Variants in SETD1B observed in about 807,000 individuals in gnomAD.
SETD1B encodes histone-lysine N-methyltransferase SETD1B.
A neutral mutation model predicts 148.0 loss-of-function variants in SETD1B; 7 were observed. That is an observed-to-expected ratio of 0.05 (90% CI 0.03 to 0.09). The LOEUF (loss-of-function observed/expected upper bound fraction) is 0.09. SETD1B is among the 10% of genes least tolerant of loss of function. SETD1B has a pLI of 1.00. For missense variants in SETD1B, 2,155 were observed against 2,729.9 expected, an observed-to-expected ratio of 0.79 and a Z score of 4.69; for synonymous variants, 1,361 against 1,186.5, an observed-to-expected ratio of 1.15 and a Z score of -3.02.
At chr12:121,819,247 G>GA (rs548646338) in intron 10 of SETD1B, among the ~76,000 whole-genome samples, 157 bp from the exon 11 acceptor site, 1 of 151,714 alleles carries the variant, frequency 6.6e-6, no homozygotes, top group African/African-American at 2.4e-5. Context: ...TCAAAAAAAA[G>GA]AAAAAAAAGA....
chr12:121,790,417 G>A, the SETD1B span, among the ~76,000 whole-genome samples: 8 of 152,222 alleles, frequency 5.3e-5, no homozygotes, highest in Non-Finnish European at 7.4e-5. Flanking sequence ...CTACGTGGCC[G>A]CCTGGCCATG....
In SETD1B at chr12:121,805,058, G is replaced by A; in HGVS notation, c.175-60G>A. 1 of 1,515,974 alleles carries A rather than the reference G, an allele frequency of 6.6e-7. No individual in the cohort carries two copies. The highest frequency in any genetic ancestry group is 9.0e-7 in the Non-Finnish European group (1 of 1,116,698). The allele number at this position is 1,515,974 out of a possible 1,614,324, so 93.9% of individuals were successfully genotyped here. A position where few individuals can be genotyped will look rare whatever the true frequency, so the allele number is the denominator to read the frequency against. On this transcript the variant is annotated intron_variant, in intron 2 of 16. Transcript: ENST00000604567. The surrounding 1 kb of genome is among the most constrained non-coding windows in gnomAD (Gnocchi z 4.2). ...GTTTGACAAGTGCCTCGAGAAAGGGGTCTGCCCATGGGGAGGGGGACCAGT... is the reference window on the plus strand; with the variant it reads ...GTTTGACAAGTGCCTCGAGAAAGGGATCTGCCCATGGGGAGGGGGACCAGT...
chr12:121,793,638 C>G, the SETD1B span: 1 of 1,533,786 alleles, frequency 6.5e-7, no homozygotes, highest in South Asian at 1.2e-5. Flanking sequence ...ATCCATTGCC[C>G]GGAGCCCGCA....
In SETD1B at chr12:121,809,904, C is replaced by G; in HGVS notation, c.959C>G (p.Ala320Gly). The G allele has an allele frequency of 6.4e-7, 1 of 1,550,882 alleles. No homozygotes were observed. Among genetic ancestry groups the G allele is most frequent in the Admixed American group, 2.0e-5 (1 of 51,000 alleles). The stretch of plus-strand genomic sequence containing the variant: ...CGCCACGAGAGCAAGTTCACGGACG[C>G]CTACAACCGCCGCCACGAACATCAT... ...ARRHESKFTD[A>G]YNRRHEHHYV... Residue 320 changes from alanine (A) to glycine (G), a missense_variant, in exon 6 of 17, where the codon GCC (alanine) becomes GGC (glycine). Ala to Gly is a moderately conservative substitution (Grantham distance 60). Transcript: ENST00000604567.
chr12:121,814,642 C>T lies in SETD1B; in HGVS notation c.2427C>T (p.Leu809=). The T allele has an allele frequency of 1.9e-6, 3 of 1,547,836 alleles. No homozygotes were observed. Among genetic ancestry groups the T allele is most frequent in the Non-Finnish European group, 2.6e-6 (3 of 1,145,560 alleles). ...CGGCCGCCGCTGCCTCAGCTGGGCT[C>T]CAGTTTGTCAACCTGCCGCCCTACC... ...AAAAAAASAG[L]QFVNLPPYRG... Residue 809 remains leucine, a synonymous_variant, in exon 7 of 17, where the codon CTC becomes CTT. Transcript: ENST00000604567.
chr12:121,828,228 C>T (rs975758520), intron 16 of SETD1B, among the ~76,000 whole-genome samples, 158 bp downstream of exon 16: 21 of 152,256 alleles, frequency 1.4e-4, no homozygotes, highest in African/African-American at 4.8e-4. Context: ...CATGTGAGGT[C>T]TTTTACCAGG....
chr12:121,802,944 A>G (rs550076554), upstream of SETD1B: 1 of 152,370 alleles, frequency 6.6e-6, no homozygotes, highest in Non-Finnish European at 1.5e-5. Context: ...TTCGTGTCTG[A>G]TGAAGGATGT....
At chr12:121,821,436 T>TA (rs554956574) in intron 11 of SETD1B, among the ~76,000 whole-genome samples, 14,192 of 116,514 alleles carry the variant, frequency 0.12, 858 homozygotes, top group African/African-American at 0.21. Flanking sequence ...GAGACTGTCT[T>TA]AAAAAAAAAA....
intron 12 of SETD1B, 43 bp from the exon 13 acceptor site, chr12:121,825,157 A>G: frequency 6.5e-7 from 1 of 1,543,382 alleles, no homozygotes; most frequent in Admixed American, 2.0e-5. Context: ...AGGGACCAGA[A>G]GGGGCTCTCA....
chr12:121,806,187 A>C (rs1223678917), intron 4 of SETD1B, 82 bp downstream of exon 4: 1 of 1,406,702 alleles, frequency 7.1e-7, no homozygotes, highest in South Asian at 1.4e-5. Context: ...CGTGGGGAGG[A>C]CCCCCCCTCA....
At position 121,830,006 on chromosome 12, in the gene SETD1B, T is replaced by C; in HGVS notation, c.5728-60T>C. 6.7e-7 allele frequency: 1 copy of C among 1,485,096 alleles called. No individual in the cohort carries two copies. Among genetic ancestry groups the C allele is most frequent in the Non-Finnish European group, 9.1e-7 (1 of 1,104,586 alleles). The allele number at this position is 1,485,096 out of a possible 1,614,324, so 92.0% of individuals were successfully genotyped here. A position where few individuals can be genotyped will look rare whatever the true frequency, so the allele number is the denominator to read the frequency against. Reference sequence around the variant, plus strand: ...CAGGCCTGGTTGGGTTTGGGGGGTCTGCAGTGGTGGGGGACCCTGGGGGAC... The same window carrying C: ...CAGGCCTGGTTGGGTTTGGGGGGTCCGCAGTGGTGGGGGACCCTGGGGGAC... On this transcript the variant is annotated intron_variant, in intron 16 of 16. Coordinates refer to ENST00000604567, the MANE Select transcript of SETD1B (RefSeq NM_001353345.2). This position sits in a 1 kb window ranked among gnomAD's most constrained non-coding sequence, Gnocchi z 5.7.
chr12:121,804,539 C>A lies in SETD1B; in HGVS notation c.-14-185C>A, dbSNP rs1875612606. 6.6e-6 allele frequency among the ~76,000 whole-genome samples: 1 copy of A among 151,458 alleles called. No individual in the cohort carries two copies. Among genetic ancestry groups the A allele is most frequent in the African/African-American group, 2.4e-5 (1 of 41,286 alleles). On this transcript the variant is annotated intron_variant, in intron 1 of 16. Coordinates refer to ENST00000604567, the MANE Select transcript of SETD1B (RefSeq NM_001353345.2). This position sits in a 1 kb window ranked among gnomAD's most constrained non-coding sequence, Gnocchi z 4.6. ...TGGCCGAGCGGGCGGGCGCGTAATT[C>A]TCCCGGAAGGGTTATTCTCTCGCTC...
Position 121,805,230 on chromosome 12 carries a change from C to CCACTGCCCCGCCGT in SETD1B, c.273+16_273+29dup. ...CCCAAATTCAAGGTAGGACCCCTCCCCACTGCCCCGCCGTCCCTCCCCCAC... is the reference window on the plus strand; with the variant it reads ...CCCAAATTCAAGGTAGGACCCCTCCCCACTGCCCCGCCGTCACTGCCCCGCCGTCCCTCCCCCAC... On this transcript the variant is annotated intron_variant, in intron 3 of 16. Transcript: ENST00000604567. This position sits in a 1 kb window ranked among gnomAD's most constrained non-coding sequence, Gnocchi z 4.2. 1 of 1,542,704 alleles carries CCACTGCCCCGCCGT rather than the reference C, an allele frequency of 6.5e-7. No individual in the cohort carries two copies.
chr12:121,809,308 C>T (rs1592976163), intron 5 of SETD1B, among the ~76,000 whole-genome samples: 2 of 152,292 alleles, frequency 1.3e-5, no homozygotes, highest in Non-Finnish European at 2.9e-5. Flanking sequence ...CAGCCTGAGG[C>T]AGAAAGAAAA....
In SETD1B at chr12:121,814,334, C is replaced by G. The variant is rs1308329914; in HGVS notation, c.2119C>G (p.Pro707Ala). The G allele has an allele frequency of 1.3e-6, 1 of 776,568 alleles. No individual in the cohort carries two copies. Among genetic ancestry groups the G allele is most frequent in the South Asian group, 1.7e-5 (1 of 57,820 alleles). The allele number at this position is 776,568 out of a possible 1,614,324, so 48.1% of individuals were successfully genotyped here. A position where few individuals can be genotyped will look rare whatever the true frequency, so the allele number is the denominator to read the frequency against. ...ACCGCAGCCTGGCTTCCCCATGCCCCCACCGCTGCCCCCACCGCCGCCCCC... is the reference window on the plus strand; with the variant it reads ...ACCGCAGCCTGGCTTCCCCATGCCCGCACCGCTGCCCCCACCGCCGCCCCC... ...PPPQPGFPMP[P>A]PLPPPPPPPP... Residue 707 changes from proline to alanine, a missense_variant, in exon 7 of 17, where the codon CCA becomes GCA. Transcript: ENST00000604567.
the SETD1B span, chr12:121,797,419 ACAG>A: frequency 4.4e-6 from 2 of 455,416 alleles, no homozygotes; most frequent in South Asian, 1.5e-5. Flanking sequence ...ACCAGCAGGA[ACAG>A]CAGCAGGAGG....
In SETD1B at chr12:121,817,804, C is replaced by T. The variant is rs1458826066; in HGVS notation, c.3318C>T (p.Asp1106=). 7 of 1,549,022 alleles carry T rather than the reference C, an allele frequency of 4.5e-6. No homozygotes were observed. Among genetic ancestry groups the T allele is most frequent in the Admixed American group, 3.9e-5 (2 of 50,722 alleles). The change falls in exon 10 of 17, where the codon GAC becomes GAT. Residue 1106 remains aspartate, a synonymous_variant. Coordinates refer to ENST00000604567, the MANE Select transcript of SETD1B (RefSeq NM_001353345.2). The surrounding 1 kb of genome is among the most constrained non-coding windows in gnomAD (Gnocchi z 8.1). The stretch of plus-strand genomic sequence containing the variant: ...CACTCTTCCTTCTCCCCCAGGATGA[C>T]GACGATGACGACAGTGATGACCGGG... ...SSTSSTSDKD[D]DDDDSDDRDE...
At chr12:121,795,388 G>C in the SETD1B span, 1 of 152,374 alleles carries the variant, frequency 6.6e-6, no homozygotes, top group Non-Finnish European at 1.5e-5. Context: ...TGAAGGCTGA[G>C]CGCTGGCTGG....
chr12:121,805,070 G>A lies in SETD1B; in HGVS notation c.175-48G>A. The A allele has an allele frequency of 1.3e-6, 2 of 1,529,248 alleles. No homozygotes were observed. Among genetic ancestry groups the A allele is most frequent in the African/African-American group, 2.8e-5 (2 of 72,678 alleles). 94.7% of individuals were successfully genotyped at this position (1,529,248 alleles called of 1,614,324 possible). On this transcript the variant is annotated intron_variant, in intron 2 of 16. Coordinates refer to ENST00000604567, the MANE Select transcript of SETD1B (RefSeq NM_001353345.2). The surrounding 1 kb of genome is among the most constrained non-coding windows in gnomAD (Gnocchi z 4.2). ...CCTCGAGAAAGGGGTCTGCCCATGG[G>A]GAGGGGGACCAGTTCTCTCATCCCG...
Sources: allele counts gnomAD v4.1 joint callset (sites outside exome capture counted in the v4.1 genomes callset), GRCh38; gene constraint gnomAD v4.1.1; non-coding constraint Gnocchi (gnomAD v3.1); transcripts MANE v1.5; gene names NCBI Gene and HGNC (gene_info 2026-07-23, HGNC 2026-07-21).